GINS1: variants seen among roughly 807,000 people sequenced by gnomAD.
GINS1 encodes GINS complex subunit 1.
GINS1 carries 26 observed loss-of-function variants against 34.9 expected under a neutral mutation model. The observed-to-expected ratio is 0.74, with a 90% CI of 0.55 to 1.03. The LOEUF is 1.03. Among genes scored for constraint, GINS1 ranks in the 50% least tolerant of loss-of-function variants. The pLI, the probability that GINS1 is intolerant of heterozygous loss-of-function variation, is 0.00. For missense variants in GINS1, 235 were observed against 237.9 expected (o/e 0.99, Z 0.08); for synonymous variants, 97 against 84.4 (o/e 1.15, Z -0.82).
chr20:25,418,092 C>T lies in GINS1; in HGVS notation c.240-13C>T, dbSNP rs201876137. 2.4e-4 allele frequency: 353 copies of T among 1,485,322 alleles called. 1 individual carries two copies. The highest frequency in any genetic ancestry group is 2.6e-4 in the South Asian group (23 of 88,706). The allele number at this position is 1,485,322 out of a possible 1,614,324, so 92.0% of individuals were successfully genotyped here. A position where few individuals can be genotyped will look rare whatever the true frequency, so the allele number is the denominator to read the frequency against. ...TTATTCTTATGCCACCCAATACCTT[C>T]TTGATGTCCTAGGTATGACCGCTTG... On this transcript the variant is annotated splice_polypyrimidine_tract_variant and intron_variant, in intron 3 of 6. Coordinates refer to ENST00000262460, the MANE Select transcript of GINS1 (RefSeq NM_021067.5).
chr20:25,411,575 G>A (rs888756784), intron 1 of GINS1, among the ~76,000 whole-genome samples: 1 of 152,212 alleles, frequency 6.6e-6, no homozygotes, highest in East Asian at 1.9e-4. Context: ...ATGGCAGGCG[G>A]ATCACTTGAG....
In GINS1 at chr20:25,446,218, G is replaced by C. The variant is rs1369627652; in HGVS notation, c.*227G>C. On this transcript the variant is annotated 3_prime_UTR_variant, in exon 7 of 7. Transcript: ENST00000262460. ...TCTTTTTTGGTTTTGGTTTTGTTTT[G>C]TAGAGACTGTCTCACTATGTTGCCC... 7.9e-6 allele frequency: 3 copies of C among 378,606 alleles called. No individual in the cohort carries two copies. The highest frequency in any genetic ancestry group is 8.1e-5 in the East Asian group (2 of 24,756). 23.5% of individuals were successfully genotyped at this position (378,606 alleles called of 1,614,324 possible). A position where few individuals can be genotyped will look rare whatever the true frequency, so the allele number is the denominator to read the frequency against.
intron 3 of GINS1, 143 bp from the exon 4 acceptor site, chr20:25,417,962 G>A (rs1168367289): frequency 4.6e-6 from 3 of 649,100 alleles, no homozygotes; most frequent in Non-Finnish European, 8.5e-6. Context: ...CCTTCAGGTC[G>A]ACTCTCAGAC....
intron 6 of GINS1, among the ~76,000 whole-genome samples, chr20:25,444,104 T>C (rs978688275): frequency 2.0e-5 from 3 of 151,702 alleles, no homozygotes; most frequent in African/African-American, 7.3e-5. Context: ...CTCTGCCTTC[T>C]GGGTTCAAGC....
In GINS1 at chr20:25,437,985, G is replaced by T. The variant is rs2146219611; in HGVS notation, c.448-3717G>T. 1.3e-5 allele frequency among the ~76,000 whole-genome samples: 2 copies of T among 152,096 alleles called. 1 individual carries two copies. Among genetic ancestry groups the T allele is most frequent in the South Asian group, 4.2e-4 (2 of 4,796 alleles). On this transcript the variant is annotated intron_variant, in intron 5 of 6. Coordinates refer to ENST00000262460, the MANE Select transcript of GINS1 (RefSeq NM_021067.5). ...AATACAAAATTTAGCCAGGCGTGGT[G>T]GCGGGCACCCGTAATCCCATCTACT...
chr20:25,438,782 C>T (rs1161009371), intron 5 of GINS1, among the ~76,000 whole-genome samples: 2 of 152,096 alleles, frequency 1.3e-5, no homozygotes, highest in East Asian at 3.9e-4. Flanking sequence ...CCATGTTGCC[C>T]AGGCTCGTCT....
intron 4 of GINS1, among the ~76,000 whole-genome samples, chr20:25,420,226 C>T (rs903629196): frequency 6.6e-6 from 1 of 151,676 alleles, no homozygotes; most frequent in Non-Finnish European, 1.5e-5. Context: ...CTCTGCCTCC[C>T]GGGTTCAAGC....
At chr20:25,429,636 A>G (rs1468784393) in intron 5 of GINS1, among the ~76,000 whole-genome samples, 1 of 152,196 alleles carries the variant, frequency 6.6e-6, no homozygotes, top group Non-Finnish European at 1.5e-5. Context: ...GTTAGTGTAT[A>G]GAAATGCAAC....
At chr20:25,410,377 G>C (rs1179800988) in intron 1 of GINS1, among the ~76,000 whole-genome samples, 1 of 151,914 alleles carries the variant, frequency 6.6e-6, no homozygotes, top group Non-Finnish European at 1.5e-5. Flanking sequence ...CTGTCTTGTA[G>C]GTCTTAATTT....
intron 6 of GINS1, among the ~76,000 whole-genome samples, chr20:25,442,145 G>A (rs2146224396): frequency 6.6e-6 from 1 of 152,182 alleles, no homozygotes; most frequent in East Asian, 1.9e-4. Flanking sequence ...AGTTTTTTTA[G>A]CTTACACTTT....
In GINS1 at chr20:25,447,565, C is replaced by T. The variant is rs2090519471; in HGVS notation, c.*1574C>T. The T allele has an allele frequency of 6.6e-6, 1 of 152,186 alleles. No homozygotes were observed. The highest frequency in any genetic ancestry group is 1.5e-5 in the Non-Finnish European group (1 of 68,030). The allele number at this position is 152,186 out of a possible 1,614,324, so 9.4% of individuals were successfully genotyped here. ...TGTTTTTCTCTCCTGAATGCCAATACCATATTTGTATGTAGTGTATGTAAT... is the reference window on the plus strand; with the variant it reads ...TGTTTTTCTCTCCTGAATGCCAATATCATATTTGTATGTAGTGTATGTAAT... On this transcript the variant is annotated 3_prime_UTR_variant, in exon 7 of 7. Transcript: ENST00000262460.
At chr20:25,429,867 G>A (rs1411599753) in intron 5 of GINS1, among the ~76,000 whole-genome samples, 1 of 152,166 alleles carries the variant, frequency 6.6e-6, no homozygotes, top group Non-Finnish European at 1.5e-5. Context: ...AGTGGCAAAA[G>A]CAGAAATCTT....
intron 1 of GINS1, among the ~76,000 whole-genome samples, chr20:25,412,816 TAAAA>T (rs1265622444): frequency 6.6e-6 from 1 of 152,076 alleles, no homozygotes. Context: ...CCCACAAAAA[TAAAA>T]AAATTAAAAA....
At chr20:25,426,974 T>C (rs1375842412) in intron 5 of GINS1, among the ~76,000 whole-genome samples, 1 of 152,186 alleles carries the variant, frequency 6.6e-6, no homozygotes, top group Admixed American at 6.6e-5. Context: ...CGTGGATATA[T>C]AAATCTCTTT....
intron 1 of GINS1, among the ~76,000 whole-genome samples, chr20:25,412,880 C>T (rs188245106): frequency 1.3e-5 from 2 of 152,138 alleles, no homozygotes; most frequent in Non-Finnish European, 2.9e-5. Context: ...CACCTATAGC[C>T]TTAGGCAACC....
chr20:25,438,373 A>T (rs113117092), intron 5 of GINS1, among the ~76,000 whole-genome samples: 3,185 of 152,192 alleles, frequency 0.021, 102 homozygotes, highest in African/African-American at 0.072. Context: ...TACTGGAAGG[A>T]TATGGGGGCC....
At chr20:25,412,461 A>G (rs937855802) in intron 1 of GINS1, among the ~76,000 whole-genome samples, 10 of 152,052 alleles carry the variant, frequency 6.6e-5, no homozygotes, top group African/African-American at 2.2e-4. Context: ...AGGCTGAGAC[A>G]GGAGAATTGC....
chr20:25,437,803 A>G (rs2090461631), intron 5 of GINS1, among the ~76,000 whole-genome samples: 1 of 152,094 alleles, frequency 6.6e-6, no homozygotes, highest in Non-Finnish European at 1.5e-5. Context: ...AGGGTAATTG[A>G]CATTACCAAC....
Position 25,407,859 on chromosome 20 carries a change from G to C in GINS1, c.39G>C (p.Leu13=). The part of the protein sequence containing the change: ...CEKAMELIRE[L]HRAPEGQLPA... ...AAGCCATGGAACTGATCCGCGAGCTGCATCGCGCGCCCGAAGGGCAACTGC... is the reference window on the plus strand; with the variant it reads ...AAGCCATGGAACTGATCCGCGAGCTCCATCGCGCGCCCGAAGGGCAACTGC... The change falls in exon 1 of 7, where the codon CTG becomes CTC. Residue 13 remains leucine (L), a synonymous_variant. Coordinates refer to ENST00000262460, the MANE Select transcript of GINS1 (RefSeq NM_021067.5). 6.2e-7 allele frequency: 1 copy of C among 1,613,936 alleles called. No homozygotes were observed. Among genetic ancestry groups the C allele is most frequent in the South Asian group, 1.1e-5 (1 of 91,082 alleles).
Sources: gnomAD v4.1 joint callset for allele counts (sites outside exome capture counted in the v4.1 genomes callset) on GRCh38, gnomAD v4.1.1 for gene constraint, MANE v1.5 for transcripts, NCBI Gene and HGNC (gene_info 2026-07-23, HGNC 2026-07-21) for gene names.